STIM2: variants seen among roughly 807,000 people sequenced by gnomAD.
STIM2 encodes stromal interaction molecule 2.
STIM2 carries 31 observed loss-of-function variants against 85.8 expected under a neutral mutation model. The ratio of observed to expected loss-of-function variants is 0.36; its 90% CI spans 0.27 to 0.49. The LOEUF (loss-of-function observed/expected upper bound fraction) is 0.49, where lower values mean the gene tolerates loss of function less well. Among genes scored for constraint, STIM2 ranks in the 20% least tolerant of loss-of-function variants. The pLI, the probability that STIM2 is intolerant of heterozygous loss-of-function variation, is 0.98. For synonymous variants in STIM2, 356 were observed against 331.1 expected (o/e 1.08, Z -0.82); for missense variants, 841 against 927.6 (o/e 0.91, Z 1.21).
rs1242802323 is a variant in STIM2 at position 26,872,889 on chromosome 4, A to G, written c.151+11520A>G. Among the ~76,000 whole-genome samples, 3 of 152,358 alleles carry G rather than the reference A, an allele frequency of 2.0e-5. No individual in the cohort carries two copies. The East Asian group carries it at 5.8e-4, about 29-fold the overall frequency. On this transcript the variant is annotated intron_variant, in intron 1 of 11. Coordinates refer to ENST00000467087, the MANE Select transcript of STIM2 (RefSeq NM_020860.4). ...ATTTAAGGTGGCATCTTGAAGGACAATAAAGAGCCAAGTCTGAAGAATTGG... is the reference window on the plus strand; with the variant it reads ...ATTTAAGGTGGCATCTTGAAGGACAGTAAAGAGCCAAGTCTGAAGAATTGG...
At chr4:26,873,845 G>A in intron 1 of STIM2, 2 of 1,034,386 alleles carry the variant, frequency 1.9e-6, no homozygotes, top group East Asian at 2.5e-5. Context: ...TAGTGGGTGG[G>A]TACGTGAACC....
chr4:27,007,629 G>GA lies in STIM2; in HGVS notation c.1080dup (p.Val361SerfsTer9). 6.2e-7 allele frequency: 1 copy of GA among 1,607,954 alleles called. No homozygotes were observed. Among genetic ancestry groups the GA allele is most frequent in the Non-Finnish European group, 8.5e-7 (1 of 1,177,950 alleles). Reference sequence around the variant, plus strand: ...TCAGAAATGGCTTCAGTTAACACATGAAGTAGAAGTGCAATACTACAATAT... The same window carrying GA: ...TCAGAAATGGCTTCAGTTAACACATGAAAGTAGAAGTGCAATACTACAATAT... On this transcript the variant is annotated frameshift_variant, in exon 8 of 12. Transcript: ENST00000467087. LOFTEE classifies it high-confidence loss of function.
At chr4:26,978,835 A>G (rs1034765209) in intron 3 of STIM2, among the ~76,000 whole-genome samples, 1 of 152,194 alleles carries the variant, frequency 6.6e-6, no homozygotes, top group Non-Finnish European at 1.5e-5. Context: ...TGAGAAGAGC[A>G]GGTAGAAGAA....
At chr4:26,952,131 G>T (rs891331695) in intron 2 of STIM2, among the ~76,000 whole-genome samples, 2 of 152,110 alleles carry the variant, frequency 1.3e-5, no homozygotes, top group African/African-American at 4.8e-5. Flanking sequence ...CCCACAACAG[G>T]TGGGAATTAT....
chr4:27,016,328 C>T (rs577131379), intron 10 of STIM2, among the ~76,000 whole-genome samples: 45 of 152,112 alleles, frequency 3.0e-4, no homozygotes, highest in African/African-American at 1.0e-3. Flanking sequence ...TAGCGGATTG[C>T]TTTCTCTCTC....
chr4:26,935,901 C>G (rs771594883), intron 2 of STIM2, among the ~76,000 whole-genome samples: 22 of 152,094 alleles, frequency 1.4e-4, no homozygotes, highest in Non-Finnish European at 2.2e-4. Context: ...AATATAAATA[C>G]TACTGTGATG....
At chr4:26,969,720 G>A (rs558611242) in intron 3 of STIM2, among the ~76,000 whole-genome samples, 1 of 152,248 alleles carries the variant, frequency 6.6e-6, no homozygotes, top group South Asian at 2.1e-4. Context: ...TTTTGAATGA[G>A]GGAAGGTGAA....
chr4:26,916,852 A>C (rs1724601494), intron 1 of STIM2, among the ~76,000 whole-genome samples: 1 of 152,140 alleles, frequency 6.6e-6, no homozygotes, highest in Non-Finnish European at 1.5e-5. Flanking sequence ...ACCTCTAGAA[A>C]ACTTTTACCT....
In STIM2 at chr4:27,003,024, G is replaced by T; in HGVS notation, c.901G>T (p.Ala301Ser). ...TGAAATCAATTATGCAAAGGAGGAG[G>T]CTTGTCGGCTGAGAGAGCTAAGGGA... is the stretch of plus-strand genomic sequence containing the variant. The change falls in exon 7 of 12, where the codon GCT (alanine) becomes TCT (serine). Residue 301 changes from alanine (A) to serine (S), a missense_variant. Ala to Ser is a moderately conservative substitution (Grantham distance 99). Coordinates refer to ENST00000467087, the MANE Select transcript of STIM2 (RefSeq NM_020860.4). The T allele has an allele frequency of 6.2e-7, 1 of 1,604,216 alleles. No individual in the cohort carries two copies. The highest frequency in any genetic ancestry group is 8.5e-7 in the Non-Finnish European group (1 of 1,176,566).
chr4:26,941,606 G>A (rs775417726), intron 2 of STIM2, among the ~76,000 whole-genome samples: 7 of 152,068 alleles, frequency 4.6e-5, no homozygotes, highest in Non-Finnish European at 1.0e-4. Context: ...TGATGGCAGC[G>A]AGATTTAAAT....
At chr4:26,934,969 GA>G (rs988007301) in intron 2 of STIM2, among the ~76,000 whole-genome samples, 2 of 150,752 alleles carry the variant, frequency 1.3e-5, no homozygotes, top group Admixed American at 6.6e-5. Context: ...CTAGTTTAGG[GA>G]AAAAAAGCAG....
At chr4:26,968,565 G>T in intron 3 of STIM2, among the ~76,000 whole-genome samples, 1 of 152,112 alleles carries the variant, frequency 6.6e-6, no homozygotes, top group East Asian at 1.9e-4. Flanking sequence ...TTTCAGTTTT[G>T]TGTAATAAGA....
At chr4:26,981,732 T>A (rs1357394930) in intron 3 of STIM2, among the ~76,000 whole-genome samples, 1 of 152,210 alleles carries the variant, frequency 6.6e-6, no homozygotes, top group Non-Finnish European at 1.5e-5. Flanking sequence ...AACATCACTT[T>A]TGTAGTAAAT....
Position 26,861,336 on chromosome 4 carries a change from G to T in STIM2, c.118G>T (p.Ala40Ser), listed in dbSNP as rs572134717. Residue 40 changes from alanine to serine, a missense_variant, in exon 1 of 12, where the codon GCG becomes TCG. Transcript: ENST00000467087. The stretch of plus-strand genomic sequence containing the variant: ...CGCAACTGCCGCCTCCTCTCCCGCC[G>T]CGGCGGCCGGCGATAGCCCGGCGCT... 2.9e-6 allele frequency: 4 copies of T among 1,377,826 alleles called. No homozygotes were observed. The highest frequency in any genetic ancestry group is 6.9e-5 in the Admixed American group (2 of 29,036). 85.4% of individuals were successfully genotyped at this position (1,377,826 alleles called of 1,614,324 possible). A position where few individuals can be genotyped will look rare whatever the true frequency, so the allele number is the denominator to read the frequency against.
At chr4:26,915,522 C>T (rs1466944493) in intron 1 of STIM2, among the ~76,000 whole-genome samples, 2 of 151,992 alleles carry the variant, frequency 1.3e-5, no homozygotes, top group South Asian at 2.1e-4. Flanking sequence ...GGCGTTGAGC[C>T]ACTGTGCCCA....
At chr4:26,923,266 A>G (rs1284791776) in intron 2 of STIM2, among the ~76,000 whole-genome samples, 1 of 151,370 alleles carries the variant, frequency 6.6e-6, no homozygotes, top group Non-Finnish European at 1.5e-5. Context: ...TAAAACCACA[A>G]AGATGGGGAA....
intron 1 of STIM2, among the ~76,000 whole-genome samples, chr4:26,918,335 C>A (rs1724669466): frequency 6.6e-6 from 1 of 151,344 alleles, no homozygotes; most frequent in Non-Finnish European, 1.5e-5. Flanking sequence ...TATTCTTAGG[C>A]CCTTATAGCT....
In STIM2 at chr4:27,023,180, A is replaced by G. The variant is rs1156558737; in HGVS notation, c.*184A>G. ...CTACTGTCTGCTTATTTAAGTGACT[A>G]TATATAATCAATTCATCAAGCCAGT... is the stretch of plus-strand genomic sequence containing the variant. On this transcript the variant is annotated 3_prime_UTR_variant, in exon 12 of 12. Coordinates refer to ENST00000467087, the MANE Select transcript of STIM2 (RefSeq NM_020860.4). 5 of 604,754 alleles carry G rather than the reference A, an allele frequency of 8.3e-6. No individual in the cohort carries two copies. In the East Asian group the frequency reaches 1.1e-4, roughly 13 times the overall value. 37.5% of individuals were successfully genotyped at this position (604,754 alleles called of 1,614,324 possible). A position where few individuals can be genotyped will look rare whatever the true frequency, so the allele number is the denominator to read the frequency against.
At chr4:26,954,763 A>G (rs1726180631) in intron 2 of STIM2, among the ~76,000 whole-genome samples, 1 of 148,178 alleles carries the variant, frequency 6.7e-6, no homozygotes, top group South Asian at 2.1e-4. Flanking sequence ...TTTTCTAAAC[A>G]AAAATATTTC....
Sources: allele counts gnomAD v4.1 joint callset (sites outside exome capture counted in the v4.1 genomes callset), GRCh38; gene constraint gnomAD v4.1.1; transcripts MANE v1.5; gene names NCBI Gene and HGNC (gene_info 2026-07-23, HGNC 2026-07-21).